The following INTS6 variants were observed in gnomAD, a reference collection of about 807,000 sequenced individuals.
The protein encoded by INTS6 is integrator complex subunit 6, also known as DEAD box protein.
INTS6 carries 16 observed loss-of-function variants against 104.9 expected under a neutral mutation model. The observed-to-expected ratio is 0.15, with a 90% confidence interval of 0.10 to 0.23. The LOEUF (loss-of-function observed/expected upper bound fraction) is 0.23. Among genes scored for constraint, INTS6 ranks in the 10% least tolerant of loss-of-function variants. INTS6 has a pLI of 1.00. For synonymous variants in INTS6, 324 were observed against 358.7 expected, an observed-to-expected ratio of 0.90 and a Z score of 1.09; for missense variants, 584 against 1,062.8, an observed-to-expected ratio of 0.55 and a Z score of 6.26.
chr13:51,395,631 T>C (rs1956321455), intron 4 of INTS6, 148 bp from the exon 5 acceptor site: 2 of 666,720 alleles, frequency 3.0e-6, no homozygotes, highest in East Asian at 2.9e-5. Flanking sequence ...TGTTCAGACA[T>C]AGCTAAAACA....
At chr13:51,446,055 A>G (rs2138161549) in intron 3 of INTS6, 1 of 152,248 alleles carries the variant, frequency 6.6e-6, no homozygotes, top group Non-Finnish European at 1.5e-5. Context: ...CACAGGCAAT[A>G]AAAGTAAAAA....
At chr13:51,393,968 A>G (rs918534016) in intron 5 of INTS6, among the ~76,000 whole-genome samples, 3 of 152,252 alleles carry the variant, frequency 2.0e-5, no homozygotes, top group East Asian at 3.9e-4. Flanking sequence ...GGAATTTCCA[A>G]TGTGAGAATG....
chr13:51,427,113 T>A (rs954923369), intron 4 of INTS6, among the ~76,000 whole-genome samples: 3 of 152,120 alleles, frequency 2.0e-5, no homozygotes, highest in African/African-American at 7.2e-5. Context: ...ATATACAATG[T>A]TGGATAACAT....
chr13:51,395,365 G>A lies in INTS6; in HGVS notation c.548C>T (p.Ser183Leu). The A allele has an allele frequency of 6.2e-7, 1 of 1,614,000 alleles. No individual in the cohort carries two copies. Among genetic ancestry groups the A allele is most frequent in the Non-Finnish European group, 8.5e-7 (1 of 1,179,926 alleles). Residue 183 changes from serine to leucine, a missense_variant, in exon 5 of 18, where the codon TCA becomes TTA. Ser to Leu is a moderately radical substitution (Grantham distance 145). Coordinates refer to ENST00000311234, the MANE Select transcript of INTS6 (RefSeq NM_012141.3). ...TAAAGGCACACCTGTCAACTGTTCT[G>A]ATTCTACTGACATGGTGCCAGGCAA... ...LRLPGTMSVE[S>L]EQLTGVPLDD...
chr13:51,379,438 G>C lies in INTS6; in HGVS notation c.1386+24C>G, dbSNP rs146419063. 1,841 of 1,387,314 alleles carry C rather than the reference G, an allele frequency of 1.3e-3. 8 individuals carry two copies. In the Middle Eastern group the frequency reaches 0.021, roughly 16 times the overall value. 85.9% of individuals were successfully genotyped at this position (1,387,314 alleles called of 1,614,324 possible). ...CCAAAACCATTCAAAATACTTAATG[G>C]CTCACTCTATTTCTTGATATTACCT... On this transcript the variant is annotated intron_variant, in intron 11 of 17. Transcript: ENST00000311234.
chr13:51,436,259 C>A (rs1282636174), intron 3 of INTS6, among the ~76,000 whole-genome samples: 1 of 152,012 alleles, frequency 6.6e-6, no homozygotes, highest in African/African-American at 2.4e-5. Flanking sequence ...AAAACAAATA[C>A]TCTTCAAAAT....
intron 3 of INTS6, chr13:51,438,282 A>G (rs1283533298): frequency 6.6e-6 from 1 of 152,128 alleles, no homozygotes; most frequent in Non-Finnish European, 1.5e-5. Flanking sequence ...TAGATTTAAA[A>G]TTTTCAAAGT....
chr13:51,364,297 C>T lies in INTS6; in HGVS notation c.*1455G>A. On this transcript the variant is annotated 3_prime_UTR_variant, in exon 18 of 18. Coordinates refer to ENST00000311234, the MANE Select transcript of INTS6 (RefSeq NM_012141.3). ...CCCTAGACTAAATGCATGTTCTCCA[C>T]TTTCATCAATGCTTTTCTTCATAAA... 1 of 1,405,174 alleles carries T rather than the reference C, an allele frequency of 7.1e-7. No individual in the cohort carries two copies. Among genetic ancestry groups the T allele is most frequent in the South Asian group, 1.3e-5 (1 of 76,884 alleles). 87.0% of individuals were successfully genotyped at this position (1,405,174 alleles called of 1,614,324 possible).
Position 51,363,601 on chromosome 13 carries a change from T to C in INTS6, c.*2151A>G, listed in dbSNP as rs1305307405. On this transcript the variant is annotated 3_prime_UTR_variant, in exon 18 of 18. Transcript: ENST00000311234. ...AGTGACATAAAGGGCCTAAAAGACATGATGTTTCCCCTAGATGTATTTCCC... is the reference window on the plus strand; with the variant it reads ...AGTGACATAAAGGGCCTAAAAGACACGATGTTTCCCCTAGATGTATTTCCC... The C allele has an allele frequency of 6.6e-6, 1 of 151,936 alleles. No homozygotes were observed. Among genetic ancestry groups the C allele is most frequent in the Admixed American group, 6.6e-5 (1 of 15,222 alleles). 9.4% of individuals were successfully genotyped at this position (151,936 alleles called of 1,614,324 possible).
chr13:51,425,464 A>T (rs945388536), intron 4 of INTS6, among the ~76,000 whole-genome samples: 1 of 152,118 alleles, frequency 6.6e-6, no homozygotes, highest in Non-Finnish European at 1.5e-5. Flanking sequence ...CACAGCAATC[A>T]TAACATTGGT....
Position 51,361,821 on chromosome 13 carries a change from T to C in INTS6, c.*3931A>G, listed in dbSNP as rs751429961. On this transcript the variant is annotated 3_prime_UTR_variant, in exon 18 of 18. Transcript: ENST00000311234. ...TTTCTTTCCTGCAGCTCTGTTGTTATTGAAAAGGTCTCGGATTCCTATTTT... is the reference window on the plus strand; with the variant it reads ...TTTCTTTCCTGCAGCTCTGTTGTTACTGAAAAGGTCTCGGATTCCTATTTT... The C allele has an allele frequency of 1.7e-5, 28 of 1,605,362 alleles. No individual in the cohort carries two copies. The highest frequency in any genetic ancestry group is 2.2e-5 in the South Asian group (2 of 89,010).
intron 4 of INTS6, among the ~76,000 whole-genome samples, chr13:51,420,672 C>T (rs951488721): frequency 6.6e-6 from 1 of 151,470 alleles, no homozygotes; most frequent in African/African-American, 2.4e-5. Flanking sequence ...GCAAACTTAT[C>T]CTTCCAAACC....
At chr13:51,349,818 T>TA (rs1955387318), downstream of INTS6, among the ~76,000 whole-genome samples, 1 of 152,214 alleles carries the variant, frequency 6.6e-6, no homozygotes, top group Non-Finnish European at 1.5e-5. Context: ...CTCATTCTGA[T>TA]AATTTTTTTT....
In INTS6 at chr13:51,451,008, CTTA is replaced by C. The variant is rs748659038; in HGVS notation, c.339+14_339+16del. On this transcript the variant is annotated intron_variant, in intron 3 of 17. Coordinates refer to ENST00000311234, the MANE Select transcript of INTS6 (RefSeq NM_012141.3). ...AATGAAAAATCAACTATTTTGCCAC[CTTA>C]TTATTCAACCTACCTGCCCATAGTT... 4 of 1,480,610 alleles carry C rather than the reference CTTA, an allele frequency of 2.7e-6. No individual in the cohort carries two copies. The South Asian group carries it at 5.8e-5, about 22-fold the overall frequency. 91.7% of individuals were successfully genotyped at this position (1,480,610 alleles called of 1,614,324 possible). A position where few individuals can be genotyped will look rare whatever the true frequency, so the allele number is the denominator to read the frequency against.
intron 4 of INTS6, among the ~76,000 whole-genome samples, chr13:51,413,922 C>T (rs1274706799): frequency 3.3e-5 from 5 of 152,236 alleles, no homozygotes; most frequent in East Asian, 1.9e-4. Context: ...GATAACTGCC[C>T]GTCCACATCT....
At chr13:51,338,828 A>T in the INTS6 span, among the ~76,000 whole-genome samples, 5 of 152,262 alleles carry the variant, frequency 3.3e-5, no homozygotes, top group South Asian at 6.2e-4. Context: ...TCAAGTGAAA[A>T]CAGTCCATTG....
intron 7 of INTS6, chr13:51,384,704 G>A: frequency 2.2e-6 from 1 of 456,558 alleles, no homozygotes; most frequent in Non-Finnish European, 4.4e-6. Context: ...CTGTCACAAA[G>A]ACCTGGATAA....
intron 7 of INTS6, chr13:51,384,606 A>C (rs891606577): frequency 6.6e-6 from 3 of 456,610 alleles, no homozygotes; most frequent in Admixed American, 2.3e-5. Flanking sequence ...CAATATGTAC[A>C]ATTTGTTTCT....
chr13:51,374,113 T>C (rs1373325283), intron 15 of INTS6, 95 bp downstream of exon 15: 7 of 943,002 alleles, frequency 7.4e-6, no homozygotes, highest in African/African-American at 1.7e-5. Flanking sequence ...ATTGTACTAC[T>C]AATCAATTTC....
Sources: gnomAD v4.1 joint callset for allele counts (sites outside exome capture counted in the v4.1 genomes callset) on GRCh38, gnomAD v4.1.1 for gene constraint, MANE v1.5 for transcripts, NCBI Gene and HGNC (gene_info 2026-07-23, HGNC 2026-07-21) for gene names.